The following ZNF554 variants were observed in gnomAD, a reference collection of about 807,000 sequenced individuals.
The protein encoded by ZNF554 is zinc finger protein 554.
ZNF554 carries 15 observed loss-of-function variants against 21.2 expected under a neutral mutation model. That is an observed-to-expected ratio of 0.71 (90% CI 0.47 to 1.09). The LOEUF is 1.09. Ranked by LOEUF, ZNF554 falls within the 50% of genes least tolerant of loss-of-function variation. The pLI is 0.00. For missense variants in ZNF554, 691 were observed against 662.7 expected (o/e 1.04, Z -0.47); for synonymous variants, 258 against 251.4 (o/e 1.03, Z -0.25).
In ZNF554 at chr19:2,819,962, C is replaced by T; in HGVS notation, c.-110C>T. 4 of 892,910 alleles carry T rather than the reference C, an allele frequency of 4.5e-6. No individual in the cohort carries two copies. In the East Asian group the frequency reaches 1.2e-4, roughly 27 times the overall value. The allele number at this position is 892,910 out of a possible 1,614,324, so 55.3% of individuals were successfully genotyped here. A position where few individuals can be genotyped will look rare whatever the true frequency, so the allele number is the denominator to read the frequency against. On this transcript the variant is annotated 5_prime_UTR_variant, in exon 1 of 5. Coordinates refer to ENST00000317243, the MANE Select transcript of ZNF554 (RefSeq NM_001102651.2). ...TGCGGGGGGCGTCCGCTCCGAGCGC[C>T]GAGGAGCCGAGCGGAGGAGGCGTCC...
intron 1 of ZNF554, among the ~76,000 whole-genome samples, chr19:2,822,272 AAC>A (rs754024119): frequency 4.0e-5 from 6 of 151,858 alleles, no homozygotes; most frequent in Non-Finnish European, 8.8e-5. Context: ...GCTGGTCTTG[AAC>A]CCCTGGGCTC....
intron 2 of ZNF554, among the ~76,000 whole-genome samples, chr19:2,826,572 C>T (rs530364416): frequency 3.3e-5 from 5 of 152,186 alleles, no homozygotes; most frequent in African/African-American, 9.6e-5. Context: ...GATAGCCATT[C>T]AGGCCCTAAA....
chr19:2,832,294 C>A lies in ZNF554; in HGVS notation c.254-9C>A. ...TGCTACCTCTCAAGTATACTCTTGT[C>A]TTTTTCAGAAGCCTTGAAGAACCAA... is the stretch of plus-strand genomic sequence containing the variant. On this transcript the variant is annotated splice_polypyrimidine_tract_variant and intron_variant, in intron 3 of 4. Coordinates refer to ENST00000317243, the MANE Select transcript of ZNF554 (RefSeq NM_001102651.2). The A allele has an allele frequency of 1.3e-6, 2 of 1,570,682 alleles. No homozygotes were observed. The highest frequency in any genetic ancestry group is 1.2e-5 in the South Asian group (1 of 83,600).
chr19:2,824,485 T>G (rs1335936438), intron 2 of ZNF554, among the ~76,000 whole-genome samples: 1 of 152,222 alleles, frequency 6.6e-6, no homozygotes. Flanking sequence ...ATCCAGCACC[T>G]TCCCCTGGAG....
chr19:2,820,734 G>A (rs550685384), intron 1 of ZNF554, among the ~76,000 whole-genome samples: 2 of 139,834 alleles, frequency 1.4e-5, no homozygotes, highest in Admixed American at 1.5e-4. Flanking sequence ...GCATGATCTC[G>A]GCTCACTGCA....
At chr19:2,826,092 G>A (rs569438924) in intron 2 of ZNF554, among the ~76,000 whole-genome samples, 163 of 151,288 alleles carry the variant, frequency 1.1e-3, no homozygotes, top group African/African-American at 3.9e-3. Context: ...TAGAGACGGG[G>A]TTTCTCCATA....
chr19:2,825,003 GTTTTT>G (rs140025750), intron 2 of ZNF554, among the ~76,000 whole-genome samples: 14 of 97,698 alleles, frequency 1.4e-4, no homozygotes, highest in African/African-American at 5.3e-4. Flanking sequence ...GATTGCAGTT[GTTTTT>G]TTTTTTTTTT....
At chr19:2,827,775 T>C in intron 3 of ZNF554, 32 bp downstream of exon 3, 2 of 1,613,118 alleles carry the variant, frequency 1.2e-6, no homozygotes, top group Non-Finnish European at 1.7e-6. Flanking sequence ...CCTGTGTTCA[T>C]TGATTCACAT....
intron 3 of ZNF554, among the ~76,000 whole-genome samples, chr19:2,830,389 G>A (rs1032157341): frequency 1.3e-5 from 2 of 152,312 alleles, no homozygotes; most frequent in South Asian, 4.1e-4. Flanking sequence ...ACAACACGCT[G>A]TGTCCATCCA....
Position 2,834,582 on chromosome 19 carries a change from C to G in ZNF554, c.1347C>G (p.Ser449=). 1 of 1,614,038 alleles carries G rather than the reference C, an allele frequency of 6.2e-7. No homozygotes were observed. Among genetic ancestry groups the G allele is most frequent in the Non-Finnish European group, 8.5e-7 (1 of 1,179,998 alleles). The stretch of plus-strand genomic sequence containing the variant: ...GTGGAAAGGCCTTCAGTGACCGTTC[C>G]TCTCTCAACCAGCACGAGCGAACTC... The part of the protein sequence containing the change: ...SECGKAFSDR[S]SLNQHERTHT... The change falls in exon 5 of 5, where the codon TCC becomes TCG. Residue 449 remains serine, a synonymous_variant. Transcript: ENST00000317243.
At chr19:2,823,572 C>T (rs1018452587) in intron 2 of ZNF554, among the ~76,000 whole-genome samples, 9 of 152,238 alleles carry the variant, frequency 5.9e-5, no homozygotes, top group Admixed American at 2.6e-4. Context: ...TGGCTCCTCT[C>T]CACAGGCAAG....
rs2087238695 is a variant in ZNF554 at position 2,819,885 on chromosome 19, T to C, written c.-187T>C. 1 of 334,854 alleles carries C rather than the reference T, an allele frequency of 3.0e-6. No homozygotes were observed. Among genetic ancestry groups the C allele is most frequent in the Non-Finnish European group, 5.2e-6 (1 of 191,068 alleles). 20.7% of individuals were successfully genotyped at this position (334,854 alleles called of 1,614,324 possible). A position where few individuals can be genotyped will look rare whatever the true frequency, so the allele number is the denominator to read the frequency against. On this transcript the variant is annotated 5_prime_UTR_variant, in exon 1 of 5. Coordinates refer to ENST00000317243, the MANE Select transcript of ZNF554 (RefSeq NM_001102651.2). ...GCAGGCGCAGTGCCGAGTTTACCTC[T>C]GCGCGCGTCGGGGTTGGTGGCGGCG... is the stretch of plus-strand genomic sequence containing the variant.
chr19:2,833,446 T>C (rs1369902985), intron 4 of ZNF554, among the ~76,000 whole-genome samples: 1 of 152,208 alleles, frequency 6.6e-6, no homozygotes, highest in Non-Finnish European at 1.5e-5. Context: ...TCTTTCTGCA[T>C]TGATATTTCC....
chr19:2,825,075 C>T (rs1030951609), intron 2 of ZNF554, among the ~76,000 whole-genome samples: 11 of 138,560 alleles, frequency 7.9e-5, no homozygotes, highest in African/African-American at 2.4e-4. Flanking sequence ...TGCAGTGGCG[C>T]GATCTTGGCT....
intron 2 of ZNF554, among the ~76,000 whole-genome samples, chr19:2,825,511 A>G (rs985732909): frequency 6.6e-6 from 1 of 152,050 alleles, no homozygotes; most frequent in Non-Finnish European, 1.5e-5. Flanking sequence ...GGGTTTCACC[A>G]TGTTGGCCAG....
rs2087285617 is a variant in ZNF554 at position 2,823,180 on chromosome 19, A to G, written c.126+68A>G. On this transcript the variant is annotated intron_variant, in intron 2 of 4. Transcript: ENST00000317243. ...GAGGGAACAATCCCACCAGAAACTCAGTCCTCGATAGAGGAGACCCCTTGC... is the reference window on the plus strand; with the variant it reads ...GAGGGAACAATCCCACCAGAAACTCGGTCCTCGATAGAGGAGACCCCTTGC... 2.0e-6 allele frequency: 3 copies of G among 1,486,510 alleles called. No individual in the cohort carries two copies. The East Asian group carries it at 6.9e-5, about 34-fold the overall frequency. The allele number at this position is 1,486,510 out of a possible 1,614,324, so 92.1% of individuals were successfully genotyped here.
chr19:2,822,516 C>T (rs1476626032), intron 1 of ZNF554, among the ~76,000 whole-genome samples: 1 of 152,136 alleles, frequency 6.6e-6, no homozygotes, highest in East Asian at 1.9e-4. Context: ...CTAATGGAGC[C>T]TGGGTGTTTT....
At chr19:2,832,252 A>G (rs1390019917) in intron 3 of ZNF554, 51 bp from the exon 4 acceptor site, 1 of 1,500,106 alleles carries the variant, frequency 6.7e-7, no homozygotes, top group African/African-American at 1.4e-5. Flanking sequence ...TAACTAGAAA[A>G]TAAAATCATT....
At chr19:2,827,978 C>G (rs1361262047) in intron 3 of ZNF554, among the ~76,000 whole-genome samples, 2 of 152,146 alleles carry the variant, frequency 1.3e-5, no homozygotes, top group Non-Finnish European at 2.9e-5. Flanking sequence ...TGCAGGGGAA[C>G]TCCCATTTGT....
Sources: gnomAD v4.1 joint callset for allele counts (sites outside exome capture counted in the v4.1 genomes callset) on GRCh38, gnomAD v4.1.1 for gene constraint, MANE v1.5 for transcripts, NCBI Gene and HGNC (gene_info 2026-07-23, HGNC 2026-07-21) for gene names.